The following ASB15 variants were observed in gnomAD, a reference collection of about 807,000 sequenced individuals.
ASB15 encodes ankyrin repeat and SOCS box protein 15.
Under a neutral mutation model 58.0 loss-of-function variants are expected in ASB15, and 54 were observed. The observed-to-expected ratio is 0.93, with a 90% confidence interval of 0.75 to 1.17. The LOEUF (loss-of-function observed/expected upper bound fraction) is 1.17. Among genes scored for constraint, ASB15 ranks in the 50% most tolerant of loss-of-function variants. The pLI, the probability that ASB15 is intolerant of heterozygous loss-of-function variation, is 0.00. For synonymous variants in ASB15, 249 were observed against 262.4 expected (o/e 0.95, Z 0.50); for missense variants, 680 against 707.4 (o/e 0.96, Z 0.44).
At chr7:123,623,872 A>AAAAAG (rs370348382) in intron 7 of ASB15, among the ~76,000 whole-genome samples, 49,176 of 99,486 alleles carry the variant, frequency 0.49, 14,040 homozygotes, top group South Asian at 0.7. Flanking sequence ...TCAAAAAAAA[A>AAAAAG]AAAAGAAAAG....
rs769692009 is a variant in ASB15, at chr7:123,629,275, C to T, written c.1281C>T (p.Asn427=). 9 of 1,613,952 alleles carry T rather than the reference C, an allele frequency of 5.6e-6. No homozygotes were observed. Among genetic ancestry groups the T allele is most frequent in the South Asian group, 5.5e-5 (5 of 91,076 alleles). Reference sequence around the variant, plus strand: ...CCAGTGTCATTCAATATGCTCTAAACGACGAGGTAATGCTGAGGCTATTGC... The same window carrying T: ...CCAGTGTCATTCAATATGCTCTAAATGACGAGGTAATGCTGAGGCTATTGC... The part of the protein sequence containing the change: ...RFPSVIQYAL[N]DEVMLRLLLN... The change falls in exon 10 of 12, where the codon AAC becomes AAT. Residue 427 remains asparagine, a synonymous_variant. Transcript: ENST00000451215.
At chr7:123,595,634 T>C (rs1244628081) in intron 1 of ASB15, among the ~76,000 whole-genome samples, 1 of 152,228 alleles carries the variant, frequency 6.6e-6, no homozygotes, top group Non-Finnish European at 1.5e-5. Flanking sequence ...CTCATTGGCA[T>C]ACCTAGTGCA....
rs201240574 is a variant in ASB15, at chr7:123,623,931, A to AAAAGAAAG, written c.452-580_452-573dup. Among the ~76,000 whole-genome samples, 433 of 103,360 alleles carry AAAAGAAAG rather than the reference A, an allele frequency of 4.2e-3. 7 individuals are homozygous for AAAAGAAAG. The highest frequency in any genetic ancestry group is 5.0e-3 in the Non-Finnish European group (263 of 52,448). The allele number at this position is 103,360 out of a possible 152,430, so 67.8% of individuals were successfully genotyped here. A position where few individuals can be genotyped will look rare whatever the true frequency, so the allele number is the denominator to read the frequency against. On this transcript the variant is annotated intron_variant, in intron 7 of 11. Transcript: ENST00000451215. ...GGAAGGAAGGAAGGAAGAAAGAAAG[A>AAAAGAAAG]AAAGAAAGAAAGAAAGAAAGAAAGA...
chr7:123,624,885 C>T, intron 8 of ASB15, 71 bp downstream of exon 8: 1 of 1,489,008 alleles, frequency 6.7e-7, no homozygotes, highest in South Asian at 1.3e-5. Flanking sequence ...CCATTCATCA[C>T]TCTTCCTCAC....
chr7:123,623,872 A>AAAAAGAAAAG (rs370348382), intron 7 of ASB15, among the ~76,000 whole-genome samples: 19,323 of 99,418 alleles, frequency 0.19, 3,562 homozygotes, highest in African/African-American at 0.34. Flanking sequence ...TCAAAAAAAA[A>AAAAAGAAAAG]AAAAGAAAAG....
intron 7 of ASB15, among the ~76,000 whole-genome samples, chr7:123,621,896 G>A (rs1161621417): frequency 1.3e-5 from 2 of 152,210 alleles, no homozygotes; most frequent in African/African-American, 4.8e-5. Flanking sequence ...ATCCTGGCCA[G>A]TGGAGCCCAG....
intron 1 of ASB15, among the ~76,000 whole-genome samples, chr7:123,591,730 T>A (rs1303480848): frequency 6.6e-6 from 1 of 152,196 alleles, no homozygotes; most frequent in Non-Finnish European, 1.5e-5. Context: ...TTCACATCGA[T>A]GTTCATCAGG....
At chr7:123,603,251 T>A (rs1185854477) in intron 1 of ASB15, among the ~76,000 whole-genome samples, 5 of 152,170 alleles carry the variant, frequency 3.3e-5, no homozygotes, top group African/African-American at 1.2e-4. Flanking sequence ...GCCCTGTGCC[T>A]GGAACACAAC....
intron 1 of ASB15, among the ~76,000 whole-genome samples, chr7:123,578,622 T>C (rs956815638): frequency 3.9e-5 from 6 of 152,056 alleles, no homozygotes; most frequent in Non-Finnish European, 5.9e-5. Context: ...TTTTTGTATA[T>C]ACTCTTTTAA....
rs1290905173 is a variant in ASB15, at chr7:123,601,846, C to T, written c.-313C>T. The T allele has an allele frequency of 3.9e-5, 6 of 152,058 alleles. No homozygotes were observed. The highest frequency in any genetic ancestry group is 8.8e-5 in the Non-Finnish European group (6 of 68,008). 9.4% of individuals were successfully genotyped at this position (152,058 alleles called of 1,614,324 possible). A position where few individuals can be genotyped will look rare whatever the true frequency, so the allele number is the denominator to read the frequency against. On this transcript the variant is annotated 5_prime_UTR_variant, in exon 1 of 12. Transcript: ENST00000451215. ...AGATACACAGAAGCACACATTGGCT[C>T]CAGGGCACTTCCTCTGATTTAGGAA... is the stretch of plus-strand genomic sequence containing the variant.
At chr7:123,589,253 C>A (rs970542547) in intron 1 of ASB15, among the ~76,000 whole-genome samples, 1 of 151,190 alleles carries the variant, frequency 6.6e-6, no homozygotes, top group African/African-American at 2.4e-5. Flanking sequence ...TTGTTATTTT[C>A]TCTTGATAAA....
At chr7:123,627,681 T>C (rs1801885082) in intron 9 of ASB15, among the ~76,000 whole-genome samples, 1 of 152,210 alleles carries the variant, frequency 6.6e-6, no homozygotes, top group Admixed American at 6.5e-5. Flanking sequence ...AGTTATTTCC[T>C]AACATCTCCA....
chr7:123,597,490 TC>T (rs1334059778), upstream of ASB15, among the ~76,000 whole-genome samples: 8 of 152,184 alleles, frequency 5.3e-5, no homozygotes, highest in Non-Finnish European at 8.8e-5. Context: ...TACATAGAGT[TC>T]TGTATTATTT....
chr7:123,573,584 C>A (rs1333510614), intron 1 of ASB15, among the ~76,000 whole-genome samples: 4 of 152,096 alleles, frequency 2.6e-5, no homozygotes, highest in Non-Finnish European at 5.9e-5. Context: ...ATCCCAAACA[C>A]TCCAGTTTAT....
intron 1 of ASB15, among the ~76,000 whole-genome samples, chr7:123,588,791 G>A (rs1013138616): frequency 3.3e-5 from 5 of 151,420 alleles, no homozygotes; most frequent in African/African-American, 1.2e-4. Context: ...TTTGTCTCAA[G>A]AGTTTTTAAA....
intron 11 of ASB15, among the ~76,000 whole-genome samples, chr7:123,630,542 T>G (rs1200625941): frequency 6.6e-6 from 1 of 152,172 alleles, no homozygotes; most frequent in Non-Finnish European, 1.5e-5. Flanking sequence ...ATTACTCTTT[T>G]TGACATGCTT....
chr7:123,584,690 T>C (rs1799329474), intron 1 of ASB15, among the ~76,000 whole-genome samples: 1 of 151,936 alleles, frequency 6.6e-6, no homozygotes, highest in South Asian at 2.1e-4. Flanking sequence ...ATACAAAGAC[T>C]GTTAGCTTTC....
chr7:123,587,175 T>C (rs1490109593), intron 1 of ASB15, among the ~76,000 whole-genome samples: 1 of 151,796 alleles, frequency 6.6e-6, no homozygotes, highest in Non-Finnish European at 1.5e-5. Flanking sequence ...ATTTTAACAC[T>C]GTTAATTCTT....
At chr7:123,589,162 T>C (rs1446785077) in intron 1 of ASB15, among the ~76,000 whole-genome samples, 1 of 151,814 alleles carries the variant, frequency 6.6e-6, no homozygotes, top group Non-Finnish European at 1.5e-5. Context: ...CTACTATTAT[T>C]GTCTATTTCT....
Sources: gnomAD v4.1 joint callset for allele counts (sites outside exome capture counted in the v4.1 genomes callset) on GRCh38, gnomAD v4.1.1 for gene constraint, MANE v1.5 for transcripts, NCBI Gene and HGNC (gene_info 2026-07-23, HGNC 2026-07-21) for gene names.